Variants in MMP27 observed in about 807,000 individuals in gnomAD.
The protein encoded by MMP27 is matrix metalloproteinase-27.
In MMP27, 51 loss-of-function variants were observed where a neutral mutation model predicts 48.1. The observed-to-expected ratio is 1.06, with a 90% CI of 0.85 to 1.34. MMP27 has a LOEUF of 1.34. MMP27 is among the 40% of genes most tolerant of loss of function. The pLI, the probability that MMP27 is intolerant of heterozygous loss-of-function variation, is 0.00. For synonymous variants in MMP27, 229 were observed against 208.9 expected (o/e 1.10, Z -0.83); for missense variants, 698 against 619.3 (o/e 1.13, Z -1.35).
chr11:102,692,926 A>G lies in MMP27; in HGVS notation c.1297+12T>C. 6.2e-7 allele frequency: 1 copy of G among 1,604,012 alleles called. No homozygotes were observed. Among genetic ancestry groups the G allele is most frequent in the Non-Finnish European group, 8.5e-7 (1 of 1,171,528 alleles). Reference sequence around the variant, plus strand: ...TCTCAAGTATCCCAATAAGTGAGACATCCATGCTTACCTTTGTACTGGAAA... The same window carrying G: ...TCTCAAGTATCCCAATAAGTGAGACGTCCATGCTTACCTTTGTACTGGAAA... On this transcript the variant is annotated intron_variant, in intron 9 of 9. Transcript: ENST00000260229.
intron 1 of MMP27, 87 bp from the exon 2 acceptor site, chr11:102,704,862 A>C (rs1264041634): frequency 2.5e-6 from 2 of 810,520 alleles, no homozygotes; most frequent in Non-Finnish European, 3.9e-6. Context: ...AATTGCCTAA[A>C]ATTCCTTCTG....
chr11:102,692,070 T>G (rs1860736464), intron 9 of MMP27, 60 bp from the exon 10 acceptor site: 5 of 1,376,530 alleles, frequency 3.6e-6, no homozygotes, highest in Non-Finnish European at 3.8e-6. Flanking sequence ...TCCATACTTT[T>G]AAATTTTATA....
intron 2 of MMP27, 53 bp downstream of exon 2, chr11:102,704,484 A>G: frequency 7.4e-7 from 1 of 1,353,686 alleles, no homozygotes; most frequent in Non-Finnish European, 1.0e-6. Flanking sequence ...TTCCTTGGAA[A>G]TTATCTTTAT....
chr11:102,702,667 G>C (rs1467279774), intron 4 of MMP27, 86 bp downstream of exon 4: 1 of 1,464,404 alleles, frequency 6.8e-7, no homozygotes, highest in Admixed American at 2.3e-5. Context: ...GAACTTTACA[G>C]TTAAAAAGCA....
Position 102,703,048 on chromosome 11 carries a change from A to G in MMP27, c.412T>C (p.Trp138Arg), listed in dbSNP as rs1347587030. The G allele has an allele frequency of 6.2e-7, 1 of 1,614,186 alleles. No homozygotes were observed. The highest frequency in any genetic ancestry group is 8.5e-7 in the Non-Finnish European group (1 of 1,180,002). ...DEAIQEGLEV[W>R]SKVTPLKFTK... ...AATTTTAGTGGAGTGACTTTGCTCC[A>G]CACTTCTAAACCTTCTTGGATAGCC... The change falls in exon 3 of 10, where the codon TGG (tryptophan) becomes CGG (arginine). Residue 138 changes from tryptophan (W) to arginine (R), a missense_variant. Physicochemically the swap from Trp to Arg is moderately radical, Grantham distance 101 (BLOSUM62 -3). Transcript: ENST00000260229.
intron 6 of MMP27, among the ~76,000 whole-genome samples, chr11:102,695,730 G>A (rs1213165633): frequency 2.0e-5 from 3 of 152,114 alleles, no homozygotes; most frequent in Non-Finnish European, 4.4e-5. Flanking sequence ...CTATATCTTT[G>A]TCAATGGTGT....
chr11:102,698,474 T>TA (rs10708640), intron 4 of MMP27, among the ~76,000 whole-genome samples: 2,734 of 149,020 alleles, frequency 0.018, 79 homozygotes, highest in African/African-American at 0.059. Context: ...TGGATAATAT[T>TA]AAAAAAAAAA....
At chr11:102,696,640 G>T (rs1555090128) in intron 5 of MMP27, 34 bp downstream of exon 5, 1 of 1,582,464 alleles carries the variant, frequency 6.3e-7, no homozygotes, top group South Asian at 1.2e-5. Context: ...TTCCTATTTA[G>T]TTCACATATA....
At chr11:102,699,906 A>G (rs1430441515) in intron 4 of MMP27, among the ~76,000 whole-genome samples, 1 of 152,068 alleles carries the variant, frequency 6.6e-6, no homozygotes, top group Non-Finnish European at 1.5e-5. Flanking sequence ...TCTTCACCCT[A>G]CTTTGTCTTC....
chr11:102,693,509 G>T (rs1009401397), intron 8 of MMP27, among the ~76,000 whole-genome samples: 2 of 152,094 alleles, frequency 1.3e-5, no homozygotes, highest in Admixed American at 6.6e-5. Context: ...TGGGCTGGGC[G>T]TGGCGACTCA....
At chr11:102,697,099 A>G (rs188214755) in intron 4 of MMP27, among the ~76,000 whole-genome samples, 1 of 152,346 alleles carries the variant, frequency 6.6e-6, no homozygotes, top group East Asian at 1.9e-4. Context: ...ACAGCCCACT[A>G]CACACCAAGG....
chr11:102,695,027 G>C lies in MMP27; in HGVS notation c.973C>G (p.Leu325Val). 3.7e-6 allele frequency: 6 copies of C among 1,614,026 alleles called. No homozygotes were observed. The highest frequency in any genetic ancestry group is 5.1e-6 in the Non-Finnish European group (6 of 1,179,968). The change falls in exon 7 of 10, where the codon CTG becomes GTG. Residue 325 changes from leucine (L) to valine (V), a missense_variant. Transcript: ENST00000260229. Reference protein sequence around the residue: ...FELIASFWPSLPADLQAAYEN... With the variant: ...FELIASFWPSVPADLQAAYEN... ...TATGCAGCTTGCAGATCAGCTGGCAGAGATGGCCAGAATGAAGCAATTAAT... is the reference window on the plus strand; with the variant it reads ...TATGCAGCTTGCAGATCAGCTGGCACAGATGGCCAGAATGAAGCAATTAAT...
chr11:102,704,465 A>G, intron 2 of MMP27, 72 bp downstream of exon 2: 1 of 1,184,508 alleles, frequency 8.4e-7, no homozygotes, highest in South Asian at 1.4e-5. Flanking sequence ...TTGAATGAAT[A>G]TTATTCTGTT....
At chr11:102,704,302 G>T (rs1861002762) in intron 2 of MMP27, among the ~76,000 whole-genome samples, 1 of 152,214 alleles carries the variant, frequency 6.6e-6, no homozygotes, top group Non-Finnish European at 1.5e-5. Context: ...GCCAGTAAGA[G>T]CTGTGTAACC....
chr11:102,704,137 T>C (rs920255352), intron 2 of MMP27, among the ~76,000 whole-genome samples: 1 of 150,488 alleles, frequency 6.6e-6, no homozygotes, highest in Non-Finnish European at 1.5e-5. Context: ...CACACACACA[T>C]GTCTCTGACA....
At chr11:102,705,295 T>A (rs1161027743) in intron 1 of MMP27, among the ~76,000 whole-genome samples, 1 of 152,148 alleles carries the variant, frequency 6.6e-6, no homozygotes, top group Non-Finnish European at 1.5e-5. Flanking sequence ...GTAGATTGGG[T>A]CCTCCTGGTT....
chr11:102,693,513 C>A (rs149495231), intron 8 of MMP27, among the ~76,000 whole-genome samples: 2 of 151,986 alleles, frequency 1.3e-5, no homozygotes, highest in African/African-American at 4.8e-5. Context: ...CTGGGCGTGG[C>A]GACTCATGCC....
Position 102,694,949 on chromosome 11 carries a change from C to A in MMP27, c.1033+18G>T, listed in dbSNP as rs756399727. On this transcript the variant is annotated intron_variant, in intron 7 of 9. Coordinates refer to ENST00000260229, the MANE Select transcript of MMP27 (RefSeq NM_022122.3). ...AGGCAGCCAGAGGGAGAAGAGGAATCGGGATGGGCCAGGTTACCTTTAAAA... is the reference window on the plus strand; with the variant it reads ...AGGCAGCCAGAGGGAGAAGAGGAATAGGGATGGGCCAGGTTACCTTTAAAA... The A allele has an allele frequency of 1.2e-6, 2 of 1,612,740 alleles. No homozygotes were observed. The highest frequency in any genetic ancestry group is 2.2e-5 in the East Asian group (1 of 44,808).
chr11:102,693,667 C>G (rs1860766985), intron 8 of MMP27, among the ~76,000 whole-genome samples: 1 of 151,960 alleles, frequency 6.6e-6, no homozygotes, highest in Non-Finnish European at 1.5e-5. Flanking sequence ...CCTGTAGTAT[C>G]AGTTACTTGG....
Sources: allele counts gnomAD v4.1 joint callset (sites outside exome capture counted in the v4.1 genomes callset), GRCh38; gene constraint gnomAD v4.1.1; transcripts MANE v1.5; gene names NCBI Gene and HGNC (gene_info 2026-07-23, HGNC 2026-07-21).